The following PCDHA7 variants were observed in gnomAD, a reference collection of about 807,000 sequenced individuals.
The protein encoded by PCDHA7 is protocadherin alpha-7.
Under a neutral mutation model 57.2 loss-of-function variants are expected in PCDHA7, and 37 were observed. The ratio of observed to expected loss-of-function variants is 0.65; its 90% CI spans 0.50 to 0.85. The LOEUF is 0.85. PCDHA7 is among the 40% of genes least tolerant of loss of function. The pLI, the probability that PCDHA7 is intolerant of heterozygous loss-of-function variation, is 0.00. For synonymous variants in PCDHA7, 553 were observed against 558.8 expected (o/e 0.99, Z 0.15); for missense variants, 1,188 against 1,241.8 (o/e 0.96, Z 0.65).
chr5:140,967,762 G>A, intron 1 of PCDHA7: 1 of 1,614,216 alleles, frequency 6.2e-7, no homozygotes, highest in Non-Finnish European at 8.5e-7. Flanking sequence ...CCTCCTACCA[G>A]ATCTATGTGC....
At chr5:140,966,741 G>A in intron 1 of PCDHA7, 1 of 1,421,320 alleles carries the variant, frequency 7.0e-7, no homozygotes, top group Non-Finnish European at 9.1e-7. Context: ...GGCCCTGCCC[G>A]GCTGCCTCCG....
chr5:140,941,402 C>T (rs544909478), intron 1 of PCDHA7, among the ~76,000 whole-genome samples: 12 of 149,674 alleles, frequency 8.0e-5, no homozygotes, highest in African/African-American at 2.5e-4. Flanking sequence ...CTGCAACCTC[C>T]GCCTCCCGGG....
chr5:140,898,072 G>T (rs1412097602), intron 1 of PCDHA7, among the ~76,000 whole-genome samples: 1 of 152,012 alleles, frequency 6.6e-6, no homozygotes, highest in Non-Finnish European at 1.5e-5. Flanking sequence ...TGAGTTCATT[G>T]TAGATTCTGG....
At chr5:140,941,262 T>TTTCTCTTTCC in intron 1 of PCDHA7, among the ~76,000 whole-genome samples, 1 of 138,798 alleles carries the variant, frequency 7.2e-6, no homozygotes, top group Non-Finnish European at 1.6e-5. Context: ...TTTCTCTTTC[T>TTTCTCTTTCC]TTCTTTCTTT....
intron 3 of PCDHA7, among the ~76,000 whole-genome samples, chr5:140,985,392 C>T (rs1329580146): frequency 6.6e-6 from 1 of 152,172 alleles, no homozygotes; most frequent in Non-Finnish European, 1.5e-5. Context: ...CCAGTCACCC[C>T]AACTGTTCCC....
chr5:140,937,099 G>T (rs890589684), intron 1 of PCDHA7, among the ~76,000 whole-genome samples: 1 of 149,656 alleles, frequency 6.7e-6, no homozygotes, highest in Non-Finnish European at 1.5e-5. Flanking sequence ...GTGCAGTGGC[G>T]CAGTCTCGGC....
At chr5:140,982,380 C>A in intron 2 of PCDHA7, 95 bp from the exon 3 acceptor site, 1 of 1,577,206 alleles carries the variant, frequency 6.3e-7, no homozygotes, top group South Asian at 1.2e-5. Context: ...AGCTGCAGCC[C>A]TGGCTTCATA....
chr5:140,886,087 A>G (rs944362157), intron 1 of PCDHA7, among the ~76,000 whole-genome samples: 2 of 152,324 alleles, frequency 1.3e-5, no homozygotes, highest in Admixed American at 6.5e-5. Flanking sequence ...CAACCTGGAT[A>G]TTGACATTGA....
intron 1 of PCDHA7, chr5:140,967,972 G>C: frequency 1.2e-6 from 2 of 1,614,190 alleles, no homozygotes; most frequent in Non-Finnish European, 1.7e-6. Flanking sequence ...AAGTGAGCCT[G>C]GGTCTGGAGG....
Position 140,882,813 on chromosome 5 carries a change from C to A in PCDHA7, c.2355+46075C>A, listed in dbSNP as rs782169035. 2 of 1,614,058 alleles carry A rather than the reference C, an allele frequency of 1.2e-6. No individual in the cohort carries two copies. The highest frequency in any genetic ancestry group is 3.3e-5 in the Admixed American group (2 of 60,002). On this transcript the variant is annotated intron_variant, in intron 1 of 3. Transcript: ENST00000525929. ...CCCAACGATTATTTCACTTTGGACG[C>A]ACAAAACAGTCTTGAGCAAATGTCT...
At chr5:140,867,315 G>A (rs2049883099) in intron 1 of PCDHA7, 1 of 151,948 alleles carries the variant, frequency 6.6e-6, no homozygotes. Flanking sequence ...CTGTCATCTG[G>A]TCTAATGTTA....
intron 3 of PCDHA7, among the ~76,000 whole-genome samples, chr5:140,983,060 A>G (rs1460099092): frequency 6.6e-6 from 1 of 152,120 alleles, no homozygotes; most frequent in Non-Finnish European, 1.5e-5. Flanking sequence ...TATCGGAACC[A>G]AGGCATTGTT....
At chr5:140,862,674 C>G (rs782474067) in intron 1 of PCDHA7, 12 of 549,972 alleles carry the variant, frequency 2.2e-5, no homozygotes, top group African/African-American at 3.8e-5. Flanking sequence ...CGCAGGAGAA[C>G]GTGCTGGTGT....
intron 1 of PCDHA7, among the ~76,000 whole-genome samples, chr5:140,906,070 C>T (rs1257687877): frequency 1.3e-5 from 2 of 152,162 alleles, no homozygotes; most frequent in South Asian, 2.1e-4. Flanking sequence ...CTGATTAGAT[C>T]GCACCCACCC....
intron 1 of PCDHA7, chr5:140,884,544 G>T: frequency 6.2e-7 from 1 of 1,614,222 alleles, no homozygotes; most frequent in South Asian, 1.1e-5. Flanking sequence ...CCGAGGGTGT[G>T]CTCTGGGGAG....
At chr5:140,842,125 T>C (rs1777718972) in intron 1 of PCDHA7, 1 of 1,613,772 alleles carries the variant, frequency 6.2e-7, no homozygotes, top group Non-Finnish European at 8.5e-7. Context: ...ATGCTTCTGA[T>C]CCGGATGAAG....
At chr5:140,868,200 T>G (rs1280989116) in intron 1 of PCDHA7, 4 of 152,156 alleles carry the variant, frequency 2.6e-5, no homozygotes, top group African/African-American at 9.6e-5. Flanking sequence ...ATGGCTTACA[T>G]TAGAAATAAT....
At chr5:140,883,573 G>C in intron 1 of PCDHA7, 7 of 1,614,076 alleles carry the variant, frequency 4.3e-6, no homozygotes, top group Non-Finnish European at 5.9e-6. Flanking sequence ...CGCCTTCGCT[G>C]TGGGCCACGG....
chr5:140,852,585 T>TTA (rs1554145908), intron 1 of PCDHA7: 28 of 874,450 alleles, frequency 3.2e-5, no homozygotes, highest in Admixed American at 6.4e-5. Flanking sequence ...CTTTTTTATT[T>TTA]TTTTTTTTTG....
Sources: gnomAD v4.1 joint callset for allele counts (sites outside exome capture counted in the v4.1 genomes callset) on GRCh38, gnomAD v4.1.1 for gene constraint, MANE v1.5 for transcripts, NCBI Gene and HGNC (gene_info 2026-07-23, HGNC 2026-07-21) for gene names.